Variants in DPP10 observed in about 807,000 individuals in gnomAD.
DPP10 encodes the protein dipeptidyl peptidase like 10.
DPP10 carries 33 observed loss-of-function variants against 120.9 expected under a neutral mutation model. The ratio of observed to expected loss-of-function variants is 0.27; its 90% CI spans 0.21 to 0.37. DPP10 has a LOEUF of 0.37. Among genes scored for constraint, DPP10 ranks in the 10% least tolerant of loss-of-function variants. DPP10 has a pLI of 1.00. For synonymous variants in DPP10, 337 were observed against 326.1 expected, an observed-to-expected ratio of 1.03 and a Z score of -0.36; for missense variants, 816 against 942.8, an observed-to-expected ratio of 0.87 and a Z score of 1.76.
chr2:115,294,398 C>T (rs190800602), intron 1 of DPP10, among the ~76,000 whole-genome samples: 67 of 152,066 alleles, frequency 4.4e-4, no homozygotes, highest in African/African-American at 1.2e-3. Context: ...ATTCAGCTCA[C>T]GTACACAAGT....
At chr2:115,583,844 A>G (rs974752974) in intron 5 of DPP10, among the ~76,000 whole-genome samples, 4 of 152,192 alleles carry the variant, frequency 2.6e-5, no homozygotes, top group African/African-American at 9.7e-5. Context: ...TGATCTGGTC[A>G]CAGTCTGAAC....
chr2:114,938,018 T>C (rs1254009182), intron 1 of DPP10, among the ~76,000 whole-genome samples: 2 of 152,176 alleles, frequency 1.3e-5, no homozygotes, highest in Non-Finnish European at 2.9e-5. Context: ...TTCTTGTAAG[T>C]AACATATACA....
At chr2:115,428,170 A>G (rs968571781) in intron 3 of DPP10, among the ~76,000 whole-genome samples, 10 of 152,214 alleles carry the variant, frequency 6.6e-5, no homozygotes, top group Admixed American at 2.6e-4. Context: ...AATTTTGGTC[A>G]CAACTATTTA....
At position 114,732,510 on chromosome 2, in the gene DPP10, A is replaced by T. The variant is rs547244717; in HGVS notation, c.60+289672A>T. ...AAAATGGGGAAAGATCATGCTAGAG[A>T]CATAAGCTTGTGTGAGATCAAGAAG... On this transcript the variant is annotated intron_variant, in intron 1 of 25. Coordinates refer to ENST00000410059, the MANE Select transcript of DPP10 (RefSeq NM_020868.6). Among the ~76,000 whole-genome samples, 9 of 152,296 alleles carry T rather than the reference A, an allele frequency of 5.9e-5. No individual in the cohort carries two copies. In the East Asian group the frequency reaches 1.7e-3, roughly 29 times the overall value.
At chr2:115,501,110 A>G (rs1191356061) in intron 4 of DPP10, among the ~76,000 whole-genome samples, 2 of 152,054 alleles carry the variant, frequency 1.3e-5, no homozygotes. Context: ...TTCATAAAGT[A>G]ACATAATTTT....
chr2:114,699,699 T>A (rs1700277494), intron 1 of DPP10, among the ~76,000 whole-genome samples: 1 of 152,072 alleles, frequency 6.6e-6, no homozygotes, highest in Admixed American at 6.6e-5. Context: ...TGAGTAAATG[T>A]GGGACTTGAA....
chr2:115,465,580 T>C (rs1173239601), intron 3 of DPP10, among the ~76,000 whole-genome samples: 1 of 152,128 alleles, frequency 6.6e-6, no homozygotes, highest in Non-Finnish European at 1.5e-5. Flanking sequence ...CCCAGTACTT[T>C]GGGAGGCCAA....
At chr2:114,790,679 A>G (rs189492725) in intron 1 of DPP10, among the ~76,000 whole-genome samples, 1 of 152,090 alleles carries the variant, frequency 6.6e-6, no homozygotes, top group East Asian at 1.9e-4. Flanking sequence ...GGGGGTTCGC[A>G]AGGTGCTCAG....
At chr2:115,631,920 A>G (rs1051121904) in intron 5 of DPP10, among the ~76,000 whole-genome samples, 1 of 152,206 alleles carries the variant, frequency 6.6e-6, no homozygotes, top group South Asian at 2.1e-4. Flanking sequence ...GTAGGTATCT[A>G]TCAGGTACAC....
chr2:115,737,618 G>T (rs545299787), intron 8 of DPP10, among the ~76,000 whole-genome samples: 1 of 152,190 alleles, frequency 6.6e-6, no homozygotes, highest in South Asian at 2.1e-4. Flanking sequence ...CATAGAGGAG[G>T]TTGCAACATG....
At chr2:114,709,718 A>T (rs183897999) in intron 1 of DPP10, among the ~76,000 whole-genome samples, 5 of 152,330 alleles carry the variant, frequency 3.3e-5, no homozygotes, top group Admixed American at 2.6e-4. Flanking sequence ...GCAAAAATAC[A>T]AATTTATAAT....
At position 115,755,857 on chromosome 2, in the gene DPP10, C is replaced by A. The variant is rs993828852; in HGVS notation, c.1074+2560C>A. Reference sequence around the variant, plus strand: ...ATGTAGAATCAACCTAAATGTTCATCAATAAATGAATGGATTTTTAAAAAA... The same window carrying A: ...ATGTAGAATCAACCTAAATGTTCATAAATAAATGAATGGATTTTTAAAAAA... On this transcript the variant is annotated intron_variant, in intron 11 of 25. Coordinates refer to ENST00000410059, the MANE Select transcript of DPP10 (RefSeq NM_020868.6). Among the ~76,000 whole-genome samples, 5 of 151,264 alleles carry A rather than the reference C, an allele frequency of 3.3e-5. No individual in the cohort carries two copies. In the East Asian group the frequency reaches 9.7e-4, roughly 29 times the overall value.
chr2:115,238,700 T>G (rs1344534580), intron 1 of DPP10, among the ~76,000 whole-genome samples: 1 of 152,100 alleles, frequency 6.6e-6, no homozygotes, highest in Admixed American at 6.6e-5. Context: ...AAGATGGAAT[T>G]TACTCCCAGT....
chr2:115,165,968 G>A (rs563431624), intron 1 of DPP10, among the ~76,000 whole-genome samples: 7 of 152,184 alleles, frequency 4.6e-5, no homozygotes, highest in Non-Finnish European at 8.8e-5. Context: ...ACAATTGAAC[G>A]TGAAGCTGTC....
intron 1 of DPP10, among the ~76,000 whole-genome samples, chr2:115,116,721 T>C (rs1422971707): frequency 6.6e-6 from 1 of 152,214 alleles, no homozygotes; most frequent in East Asian, 1.9e-4. Context: ...TTGTAAACTT[T>C]AGGTAAAGCA....
chr2:115,672,236 A>T (rs2089930940), intron 5 of DPP10, among the ~76,000 whole-genome samples: 1 of 151,902 alleles, frequency 6.6e-6, no homozygotes, highest in Admixed American at 6.6e-5. Context: ...AGTCTTTGTT[A>T]TGTTGGTTGG....
At position 115,215,899 on chromosome 2, in the gene DPP10, G is replaced by A. The variant is rs181169970; in HGVS notation, c.61-93340G>A. On this transcript the variant is annotated intron_variant, in intron 1 of 25. Coordinates refer to ENST00000410059, the MANE Select transcript of DPP10 (RefSeq NM_020868.6). ...TTCACAATAGCAAATATATGGAATC[G>A]TGCTAAATATTGATCAAAGGATGAC... Among the ~76,000 whole-genome samples, 739 of 152,166 alleles carry A rather than the reference G, an allele frequency of 4.9e-3. 5 individuals carry two copies. Among genetic ancestry groups the A allele is most frequent in the African/African-American group, 0.016 (668 of 41,500 alleles).
At chr2:114,861,289 A>G (rs2106528202) in intron 1 of DPP10, among the ~76,000 whole-genome samples, 1 of 152,268 alleles carries the variant, frequency 6.6e-6, no homozygotes, top group South Asian at 2.1e-4. Context: ...CAGAGGCTGC[A>G]CAACTCAAGG....
intron 1 of DPP10, among the ~76,000 whole-genome samples, chr2:114,987,789 G>T (rs2104903140): frequency 1.0e-5 from 1 of 100,280 alleles, no homozygotes; most frequent in East Asian, 3.2e-4. Flanking sequence ...TATACTCCTT[G>T]AGTGTGGAGA....
Sources: gnomAD v4.1 joint callset for allele counts (sites outside exome capture counted in the v4.1 genomes callset) on GRCh38, gnomAD v4.1.1 for gene constraint, MANE v1.5 for transcripts, NCBI Gene and HGNC (gene_info 2026-07-23, HGNC 2026-07-21) for gene names.